The following BTD variants were observed in gnomAD, a reference collection of about 807,000 sequenced individuals.
BTD encodes the protein biocytinase.
In BTD, 13 loss-of-function variants were observed where a neutral mutation model predicts 17.7. That is an observed-to-expected ratio of 0.74 (90% confidence interval 0.48 to 1.17). BTD has a LOEUF of 1.17. BTD is among the 50% of genes most tolerant of loss of function. The probability of loss-of-function intolerance (pLI) is 0.00; values close to 1 mark genes in which losing one functional copy is unlikely to be tolerated. For synonymous variants in BTD, 240 were observed against 245.2 expected (o/e 0.98, Z 0.20); for missense variants, 674 against 650.4 (o/e 1.04, Z -0.39).
intron 3 of BTD, among the ~76,000 whole-genome samples, chr3:15,663,697 CT>C (rs1049513336): frequency 2.6e-4 from 39 of 151,790 alleles, no homozygotes; most frequent in African/African-American, 7.5e-4. Flanking sequence ...TAGTTGTGTC[CT>C]TTTTTTTCCC....
chr3:15,707,312 A>G (rs2071590334), intron 3 of BTD, among the ~76,000 whole-genome samples: 2 of 152,210 alleles, frequency 1.3e-5, no homozygotes, highest in South Asian at 4.1e-4. Context: ...CTTTAGGTGA[A>G]TATTATTATA....
chr3:15,656,131 A>G (rs2065869047), downstream of BTD, among the ~76,000 whole-genome samples: 2 of 152,218 alleles, frequency 1.3e-5, no homozygotes, highest in African/African-American at 4.8e-5. Context: ...GATGTAAGAT[A>G]CAATGAATTT....
chr3:15,690,346 C>T, intron 3 of BTD: 1 of 767,230 alleles, frequency 1.3e-6, no homozygotes, highest in Non-Finnish European at 2.0e-6. Context: ...ATCCAAACTT[C>T]TACATCGAGA....
At chr3:15,606,954 T>TG (rs1207588089) in intron 1 of BTD, 2 of 150,138 alleles carry the variant, frequency 1.3e-5, no homozygotes, top group Non-Finnish European at 3.0e-5. Flanking sequence ...GTTTTTGGTT[T>TG]TTTTTTTTTT....
At chr3:15,706,164 A>T (rs2071354957) in intron 3 of BTD, among the ~76,000 whole-genome samples, 1 of 151,998 alleles carries the variant, frequency 6.6e-6, no homozygotes, top group Non-Finnish European at 1.5e-5. Flanking sequence ...ATATGTATAC[A>T]TGTGCCACGT....
chr3:15,713,783 T>A (rs1244478006), downstream of BTD: 7 of 480,772 alleles, frequency 1.5e-5, no homozygotes, highest in Non-Finnish European at 1.8e-5. Context: ...ATAGCTCATT[T>A]ATTGGGCCAG....
chr3:15,645,330 A>G lies in BTD; in HGVS notation c.1414A>G (p.Thr472Ala). Residue 472 changes from threonine to alanine, a missense_variant, in exon 4 of 4, where the codon ACT becomes GCT. Physicochemically the swap from Thr to Ala is moderately conservative, Grantham distance 58. Coordinates refer to ENST00000643237, the MANE Select transcript of BTD (RefSeq NM_001370658.1). ...GTTTCACCTGTGGGGCAACTTCAGT[A>G]CTTCCTATATCTTTCCTTTGTTTCT... ...FEFHLWGNFS[T>A]SYIFPLFLTS... is the part of the protein sequence containing the mutation. 6.2e-7 allele frequency: 1 copy of G among 1,614,186 alleles called. No individual in the cohort carries two copies.
chr3:15,658,847 C>A (rs2065896128), intron 3 of BTD, among the ~76,000 whole-genome samples: 1 of 152,192 alleles, frequency 6.6e-6, no homozygotes, highest in Non-Finnish European at 1.5e-5. Flanking sequence ...TACCAGAACC[C>A]TGGAGTCTTC....
downstream of BTD, among the ~76,000 whole-genome samples, chr3:15,658,125 G>T (rs552913283): frequency 6.7e-6 from 1 of 149,912 alleles, no homozygotes; most frequent in Non-Finnish European, 1.5e-5. Flanking sequence ...CCAAGATTGC[G>T]CCACTGCACT....
At chr3:15,706,498 A>G (rs1246963321) in intron 3 of BTD, among the ~76,000 whole-genome samples, 2 of 152,172 alleles carry the variant, frequency 1.3e-5, no homozygotes, top group Non-Finnish European at 2.9e-5. Context: ...ATTGATGGAC[A>G]TTTGGGGTGG....
rs2065675746 is a variant in BTD at position 15,645,559 on chromosome 3, G to A, written c.*71G>A. 6.4e-7 allele frequency: 1 copy of A among 1,554,650 alleles called. No homozygotes were observed. Among genetic ancestry groups the A allele is most frequent in the Non-Finnish European group, 8.7e-7 (1 of 1,147,442 alleles). On this transcript the variant is annotated 3_prime_UTR_variant, in exon 4 of 4. Coordinates refer to ENST00000643237, the MANE Select transcript of BTD (RefSeq NM_001370658.1). ...AGCCTTGCACTTCCACAGGCTACAA[G>A]CCCTGGGACCATCTTTCTGCCTTAA... is the stretch of plus-strand genomic sequence containing the variant.
chr3:15,707,915 G>C, intron 3 of BTD: 1 of 1,611,732 alleles, frequency 6.2e-7, no homozygotes. Flanking sequence ...TCACTCCTAT[G>C]GTACTTACTT....
In BTD at chr3:15,652,199, G is replaced by T. The variant is rs917220568; in HGVS notation, c.*6711G>T. ...AAAATTAGCCGGCATGGTGGCACAC[G>T]CCTGTAGTCCCAGCTAGTCGGGAGG... On this transcript the variant is annotated 3_prime_UTR_variant, in exon 4 of 4. Transcript: ENST00000643237. Among the ~76,000 whole-genome samples, 6 of 152,160 alleles carry T rather than the reference G, an allele frequency of 3.9e-5. No individual in the cohort carries two copies. The highest frequency in any genetic ancestry group is 2.6e-4 in the Admixed American group (4 of 15,282).
At chr3:15,696,423 T>C (rs1417380550) in intron 3 of BTD, among the ~76,000 whole-genome samples, 1 of 152,096 alleles carries the variant, frequency 6.6e-6, no homozygotes, top group Non-Finnish European at 1.5e-5. Context: ...ATCATAAAAA[T>C]GCAAATGAAA....
intron 1 of BTD, among the ~76,000 whole-genome samples, chr3:15,629,780 A>G (rs559233647): frequency 1.3e-5 from 2 of 152,160 alleles, no homozygotes; most frequent in Non-Finnish European, 2.9e-5. Context: ...TTCAACATGC[A>G]CTAGGCAGGC....
chr3:15,685,930 T>C (rs1575141223), intron 3 of BTD: 1 of 1,137,972 alleles, frequency 8.8e-7, no homozygotes, highest in South Asian at 1.4e-5. Context: ...AAAATAAACA[T>C]AACCTAGTTC....
downstream of BTD, among the ~76,000 whole-genome samples, chr3:15,716,857 G>A (rs987321923): frequency 6.6e-6 from 1 of 152,180 alleles, no homozygotes; most frequent in African/African-American, 2.4e-5. Context: ...AGCGCTTGGG[G>A]AGGCCAAAGC....
rs933641104 is a variant in BTD at position 15,649,292 on chromosome 3, C to T, written c.*3804C>T. ...CTGAAGCAAATGATCCAAGAGAGCA[C>T]AGGTGGAGCCATGATGTCTTTTATT... is the stretch of plus-strand genomic sequence containing the variant. On this transcript the variant is annotated 3_prime_UTR_variant, in exon 4 of 4. Coordinates refer to ENST00000643237, the MANE Select transcript of BTD (RefSeq NM_001370658.1). Among the ~76,000 whole-genome samples, 1 of 152,184 alleles carries T rather than the reference C, an allele frequency of 6.6e-6. No individual in the cohort carries two copies. The highest frequency in any genetic ancestry group is 2.4e-5 in the African/African-American group (1 of 41,432).
chr3:15,616,906 C>T (rs1362601179), intron 1 of BTD, among the ~76,000 whole-genome samples: 1 of 152,046 alleles, frequency 6.6e-6, no homozygotes, highest in Non-Finnish European at 1.5e-5. Context: ...AATCTCGGCT[C>T]ACTGCAACCT....
Sources: allele counts gnomAD v4.1 joint callset (sites outside exome capture counted in the v4.1 genomes callset), GRCh38; gene constraint gnomAD v4.1.1; transcripts MANE v1.5; gene names NCBI Gene and HGNC (gene_info 2026-07-23, HGNC 2026-07-21).